CTNND2: variants seen among roughly 807,000 people sequenced by gnomAD.
The protein encoded by CTNND2 is catenin delta 2.
A neutral mutation model predicts 144.4 loss-of-function variants in CTNND2; 22 were observed. That is an observed-to-expected ratio of 0.15 (90% CI 0.11 to 0.22). The LOEUF is 0.22. Ranked by LOEUF, CTNND2 falls within the 10% of genes least tolerant of loss-of-function variation. CTNND2 has a pLI of 1.00. For missense variants in CTNND2, 1,353 were observed against 1,618.8 expected, an observed-to-expected ratio of 0.84 and a Z score of 2.82; for synonymous variants, 751 against 695.6, an observed-to-expected ratio of 1.08 and a Z score of -1.25.
At chr5:11,714,606 A>G (rs1480514541) in intron 2 of CTNND2, among the ~76,000 whole-genome samples, 1 of 152,122 alleles carries the variant, frequency 6.6e-6, no homozygotes, top group Non-Finnish European at 1.5e-5. Context: ...CCTCATATGT[A>G]AATTGTAATA....
chr5:11,241,340 T>C (rs1278835722), intron 9 of CTNND2, among the ~76,000 whole-genome samples: 1 of 152,170 alleles, frequency 6.6e-6, no homozygotes, highest in African/African-American at 2.4e-5. Flanking sequence ...GGAGCAACTC[T>C]GGGGCACAGT....
intron 2 of CTNND2, among the ~76,000 whole-genome samples, chr5:11,649,011 AACT>A (rs1014139514): frequency 2.0e-5 from 3 of 152,224 alleles, no homozygotes; most frequent in Admixed American, 6.5e-5. Flanking sequence ...TTCAGAAAAA[AACT>A]ACTTTTATAT....
chr5:11,502,780 A>T (rs891120644), intron 3 of CTNND2, among the ~76,000 whole-genome samples: 4 of 152,208 alleles, frequency 2.6e-5, no homozygotes, highest in Non-Finnish European at 5.9e-5. Context: ...CTTCTTGGAA[A>T]GATGAAGAAG....
chr5:11,010,530 G>A (rs1740963084), intron 18 of CTNND2, among the ~76,000 whole-genome samples: 1 of 152,294 alleles, frequency 6.6e-6, no homozygotes, highest in South Asian at 2.1e-4. Flanking sequence ...TTAAACATGA[G>A]AACATGACTT....
intron 9 of CTNND2, among the ~76,000 whole-genome samples, chr5:11,328,160 G>A (rs1029310373): frequency 1.3e-5 from 2 of 151,956 alleles, no homozygotes; most frequent in Non-Finnish European, 2.9e-5. Context: ...TGACTTATAT[G>A]GAAAACTAGA....
rs1426100700 is a variant in CTNND2, at chr5:11,410,987, TCAGCCTCTTGAA to T, written c.439+537_439+548del. ...CCTGGATTCAAGTGATTCTCCTGCC[TCAGCCTCTTGAA>T]TAGCTGGGACTATAGGCACGCACCA... On this transcript the variant is annotated intron_variant, in intron 5 of 21. Transcript: ENST00000304623. Among the ~76,000 whole-genome samples, 3 of 151,958 alleles carry T rather than the reference TCAGCCTCTTGAA, an allele frequency of 2.0e-5. No individual in the cohort carries two copies. The South Asian group carries it at 6.2e-4, about 32-fold the overall frequency.
intron 1 of CTNND2, among the ~76,000 whole-genome samples, chr5:11,826,015 A>C (rs1019217397): frequency 1.3e-5 from 2 of 152,008 alleles, no homozygotes; most frequent in Non-Finnish European, 2.9e-5. Flanking sequence ...CAGAGCAAAA[A>C]ATATGGTGAC....
chr5:11,043,434 A>G (rs1201222508), intron 16 of CTNND2, among the ~76,000 whole-genome samples: 2 of 152,162 alleles, frequency 1.3e-5, no homozygotes, highest in Admixed American at 6.5e-5. Flanking sequence ...TTTACATGTG[A>G]TGAGTTTAAA....
At chr5:11,690,746 A>AG in intron 2 of CTNND2, among the ~76,000 whole-genome samples, 1 of 101,208 alleles carries the variant, frequency 9.9e-6, no homozygotes, top group Non-Finnish European at 1.7e-5. Flanking sequence ...CCGTCTCAAA[A>AG]AAAAAAAAAA....
chr5:11,665,014 T>A (rs1783478913), intron 2 of CTNND2, among the ~76,000 whole-genome samples: 1 of 152,196 alleles, frequency 6.6e-6, no homozygotes, highest in South Asian at 2.1e-4. Flanking sequence ...GGGGTTTCCA[T>A]TACTCGAGTT....
At chr5:11,656,689 A>T (rs966182972) in intron 2 of CTNND2, among the ~76,000 whole-genome samples, 1 of 152,164 alleles carries the variant, frequency 6.6e-6, no homozygotes, top group Non-Finnish European at 1.5e-5. Context: ...GTGTTAATGC[A>T]GAGCCACAAA....
At chr5:10,997,444 T>A (rs987929019) in intron 18 of CTNND2, among the ~76,000 whole-genome samples, 1 of 151,910 alleles carries the variant, frequency 6.6e-6, no homozygotes, top group African/African-American at 2.4e-5. Context: ...ATACAAAAAT[T>A]AGCTGGGCGT....
At chr5:11,874,662 G>C (rs965647537) in intron 1 of CTNND2, among the ~76,000 whole-genome samples, 3 of 152,146 alleles carry the variant, frequency 2.0e-5, no homozygotes, top group African/African-American at 7.2e-5. Context: ...ATGGGACAGC[G>C]AGATTTCAGC....
chr5:11,326,435 T>C (rs918840579), intron 9 of CTNND2, among the ~76,000 whole-genome samples: 6 of 152,084 alleles, frequency 3.9e-5, no homozygotes, highest in East Asian at 1.9e-4. Flanking sequence ...CCAGTAGACA[T>C]TGGCCAAGTG....
At chr5:11,782,981 C>T (rs1790624938) in intron 1 of CTNND2, among the ~76,000 whole-genome samples, 1 of 152,138 alleles carries the variant, frequency 6.6e-6, no homozygotes. Context: ...CATTGGAGAA[C>T]ATGGCTTACA....
At chr5:11,516,302 A>G (rs1772160432) in intron 3 of CTNND2, among the ~76,000 whole-genome samples, 1 of 152,000 alleles carries the variant, frequency 6.6e-6, no homozygotes, top group African/African-American at 2.4e-5. Flanking sequence ...TCTACTCAAC[A>G]TGGTAAAGGA....
intron 2 of CTNND2, among the ~76,000 whole-genome samples, chr5:11,659,434 T>C (rs1341013945): frequency 6.6e-6 from 1 of 152,132 alleles, no homozygotes; most frequent in Non-Finnish European, 1.5e-5. Flanking sequence ...TTAACTCCTA[T>C]AGAAGAATAA....
At chr5:11,461,307 G>GA (rs966072086) in intron 3 of CTNND2, among the ~76,000 whole-genome samples, 1 of 152,134 alleles carries the variant, frequency 6.6e-6, no homozygotes, top group African/African-American at 2.4e-5. Context: ...AATGCATGCA[G>GA]AATGCCGAGA....
intron 2 of CTNND2, among the ~76,000 whole-genome samples, chr5:11,584,111 T>C (rs1049221095): frequency 1.3e-5 from 2 of 152,212 alleles, no homozygotes; most frequent in African/African-American, 4.8e-5. Context: ...GAGATTCCAT[T>C]AATGCTGATG....
Sources: allele counts gnomAD v4.1 joint callset (sites outside exome capture counted in the v4.1 genomes callset), GRCh38; gene constraint gnomAD v4.1.1; transcripts MANE v1.5; gene names NCBI Gene and HGNC (gene_info 2026-07-23, HGNC 2026-07-21).